Variants in PIGU observed in about 807,000 individuals in gnomAD.
PIGU encodes the protein phosphatidylinositol glycan anchor biosynthesis class U, also known as GPI-anchor transamidase component PIGU.
In PIGU, 24 loss-of-function variants were observed where a neutral mutation model predicts 49.9. The ratio of observed to expected loss-of-function variants is 0.48; its 90% confidence interval spans 0.35 to 0.68. The LOEUF is 0.68. Among genes scored for constraint, PIGU ranks in the 30% least tolerant of loss-of-function variants. The pLI, the probability that PIGU is intolerant of heterozygous loss-of-function variation, is 0.01. For missense variants in PIGU, 490 were observed against 532.6 expected, an observed-to-expected ratio of 0.92 and a Z score of 0.79; for synonymous variants, 220 against 205.7, an observed-to-expected ratio of 1.07 and a Z score of -0.59.
chr20:34,575,217 T>C lies in PIGU; in HGVS notation c.1081A>G (p.Ile361Val), dbSNP rs1568622142. 1.9e-6 allele frequency: 3 copies of C among 1,614,156 alleles called. No homozygotes were observed. The highest frequency in any genetic ancestry group is 2.7e-5 in the African/African-American group (2 of 75,044). Residue 361 changes from isoleucine to valine, a missense_variant, in exon 11 of 12, where the codon ATC (isoleucine) becomes GTC (valine). Physicochemically the swap from Ile to Val is conservative, Grantham distance 29 (BLOSUM62 3). Transcript: ENST00000217446. The part of the protein sequence containing the change: ...FLRNIFVLTC[I>V]IIVCSLLFPV... The stretch of plus-strand genomic sequence containing the variant: ...AAGAGCAGGGAACAGACGATGATGA[T>C]GCAGGTGAGGACAAAGATGTTTCTC...
chr20:34,603,125 T>C (rs573890447), intron 7 of PIGU, among the ~76,000 whole-genome samples: 107 of 152,138 alleles, frequency 7.0e-4, no homozygotes, highest in Non-Finnish European at 1.0e-3. Context: ...TTTCTAATTA[T>C]GTACCTTGTT....
chr20:34,568,357 A>G (rs1423462253), intron 11 of PIGU, among the ~76,000 whole-genome samples: 1 of 152,200 alleles, frequency 6.6e-6, no homozygotes, highest in South Asian at 2.1e-4. Context: ...ACCTTGACAG[A>G]ATTACACTAG....
intron 7 of PIGU, among the ~76,000 whole-genome samples, chr20:34,589,838 T>C (rs544595803): frequency 1.3e-5 from 2 of 151,504 alleles, no homozygotes; most frequent in South Asian, 4.2e-4. Context: ...ATATTTTCAG[T>C]AGAGACAGGG....
chr20:34,649,832 G>A (rs1468192530), intron 2 of PIGU, among the ~76,000 whole-genome samples: 1 of 145,530 alleles, frequency 6.9e-6, no homozygotes, highest in Non-Finnish European at 1.5e-5. Context: ...ACTGTGCCCG[G>A]TCCATCTATT....
chr20:34,579,844 T>C (rs553053306), intron 10 of PIGU, among the ~76,000 whole-genome samples: 1 of 152,352 alleles, frequency 6.6e-6, no homozygotes, highest in South Asian at 2.1e-4. Flanking sequence ...TGACTCTGGC[T>C]ACCAAGCCCG....
chr20:34,587,933 T>C (rs1983766540), intron 8 of PIGU, among the ~76,000 whole-genome samples: 1 of 152,200 alleles, frequency 6.6e-6, no homozygotes, highest in Non-Finnish European at 1.5e-5. Flanking sequence ...ACTTGGCTAT[T>C]ATGAATAATG....
intron 5 of PIGU, among the ~76,000 whole-genome samples, chr20:34,635,686 A>G (rs1028031396): frequency 3.3e-5 from 5 of 151,096 alleles, no homozygotes; most frequent in African/African-American, 1.2e-4. Context: ...GACCAGCCTG[A>G]CCAACATGGA....
chr20:34,647,367 T>C (rs1047089791), intron 2 of PIGU, among the ~76,000 whole-genome samples: 4 of 151,788 alleles, frequency 2.6e-5, no homozygotes, highest in Admixed American at 1.3e-4. Context: ...GTTCAAGCGA[T>C]TCTCCTGCCT....
At chr20:34,612,372 G>A (rs1568638944) in intron 7 of PIGU, among the ~76,000 whole-genome samples, 1 of 152,112 alleles carries the variant, frequency 6.6e-6, no homozygotes, top group Non-Finnish European at 1.5e-5. Flanking sequence ...GGGACAAGGT[G>A]TGGGAGAGCG....
At chr20:34,666,990 G>A (rs1007556980) in intron 1 of PIGU, among the ~76,000 whole-genome samples, 2 of 151,948 alleles carry the variant, frequency 1.3e-5, no homozygotes, top group African/African-American at 2.4e-5. Flanking sequence ...GAGCCACCGC[G>A]CCCAGCCAGC....
chr20:34,626,396 G>T (rs570311947), intron 6 of PIGU, among the ~76,000 whole-genome samples: 4 of 149,936 alleles, frequency 2.7e-5, no homozygotes, highest in African/African-American at 9.9e-5. Flanking sequence ...TCCACCTCCC[G>T]GGTTCAAGCG....
intron 2 of PIGU, among the ~76,000 whole-genome samples, chr20:34,646,739 T>C (rs1986358490): frequency 6.6e-6 from 1 of 152,184 alleles, no homozygotes; most frequent in Admixed American, 6.5e-5. Flanking sequence ...GTTGAAAATA[T>C]ATTCTAACTT....
In PIGU at chr20:34,655,373, A is replaced by G. The variant is rs1304499834; in HGVS notation, c.195+1807T>C. ...AAACTTCTTTAAAATGATATGGCCA[A>G]TAAGAACGGAAAGGGCAGTGGGACG... On this transcript the variant is annotated intron_variant, in intron 2 of 11. Transcript: ENST00000217446. Among the ~76,000 whole-genome samples, 4 of 120,494 alleles carry G rather than the reference A, an allele frequency of 3.3e-5. 2 individuals are homozygous for G. The highest frequency in any genetic ancestry group is 6.1e-5 in the African/African-American group (2 of 32,674). The allele number at this position is 120,494 out of a possible 152,430, so 79.0% of individuals were successfully genotyped here. A position where few individuals can be genotyped will look rare whatever the true frequency, so the allele number is the denominator to read the frequency against.
chr20:34,583,112 T>G (rs928330132), intron 9 of PIGU, among the ~76,000 whole-genome samples: 1 of 152,216 alleles, frequency 6.6e-6, no homozygotes, highest in Admixed American at 6.5e-5. Flanking sequence ...CAGACAAACA[T>G]GTCCACACCC....
At chr20:34,568,282 G>A (rs1982862160) in intron 11 of PIGU, among the ~76,000 whole-genome samples, 1 of 152,140 alleles carries the variant, frequency 6.6e-6, no homozygotes, top group South Asian at 2.1e-4. Flanking sequence ...AGAATAGGCT[G>A]GGAAGGGCCT....
chr20:34,642,637 C>T (rs966718252), intron 4 of PIGU, among the ~76,000 whole-genome samples: 7 of 133,956 alleles, frequency 5.2e-5, no homozygotes, highest in Admixed American at 8.4e-5. Context: ...ATCTATATCA[C>T]ACATATATAT....
At chr20:34,570,674 G>A (rs1185996085) in intron 11 of PIGU, among the ~76,000 whole-genome samples, 1 of 152,140 alleles carries the variant, frequency 6.6e-6, no homozygotes, top group African/African-American at 2.4e-5. Context: ...TGGAATTACA[G>A]GTGTGAGCCA....
Position 34,560,656 on chromosome 20 carries a change from T to TG in PIGU, c.*209dup. 2.2e-6 allele frequency: 1 copy of TG among 461,070 alleles called. No homozygotes were observed. Among genetic ancestry groups the TG allele is most frequent in the Non-Finnish European group, 3.8e-6 (1 of 261,352 alleles). 28.6% of individuals were successfully genotyped at this position (461,070 alleles called of 1,614,324 possible). A position where few individuals can be genotyped will look rare whatever the true frequency, so the allele number is the denominator to read the frequency against. On this transcript the variant is annotated 3_prime_UTR_variant, in exon 12 of 12. Coordinates refer to ENST00000217446, the MANE Select transcript of PIGU (RefSeq NM_080476.5). ...CTCCTTGGTGTGCAGAGCCACAAGG[T>TG]GGGGGTCCAAGTTGGGGAGCTCCCA... is the stretch of plus-strand genomic sequence containing the variant.
chr20:34,675,781 A>G (rs1396286489), intron 1 of PIGU, among the ~76,000 whole-genome samples: 1 of 152,126 alleles, frequency 6.6e-6, no homozygotes, highest in Admixed American at 6.6e-5. Context: ...TGGGAGGCCA[A>G]GTGAGACTGC....
Sources: gnomAD v4.1 joint callset for allele counts (sites outside exome capture counted in the v4.1 genomes callset) on GRCh38, gnomAD v4.1.1 for gene constraint, MANE v1.5 for transcripts, NCBI Gene and HGNC (gene_info 2026-07-23, HGNC 2026-07-21) for gene names.